SGCD: variants seen among roughly 807,000 people sequenced by gnomAD.
SGCD encodes sarcoglycan delta.
A neutral mutation model predicts 36.6 loss-of-function variants in SGCD; 18 were observed. The ratio of observed to expected loss-of-function variants is 0.49; its 90% CI spans 0.34 to 0.73. The LOEUF (loss-of-function observed/expected upper bound fraction) is 0.73, where lower values mean the gene tolerates loss of function less well. SGCD is among the 30% of genes least tolerant of loss of function. The pLI is 0.01. For synonymous variants in SGCD, 133 were observed against 130.6 expected (o/e 1.02, Z -0.12); for missense variants, 387 against 346.7 (o/e 1.12, Z -0.92).
chr5:155,956,809 G>C (rs999354185), intron 1 of SGCD, among the ~76,000 whole-genome samples: 2 of 136,650 alleles, frequency 1.5e-5, no homozygotes, highest in African/African-American at 3.0e-5. Context: ...CCCCCCCCCC[G>C]GTTAATCCAG....
chr5:156,513,685 T>C (rs1167968730), intron 4 of SGCD, among the ~76,000 whole-genome samples: 1 of 152,258 alleles, frequency 6.6e-6, no homozygotes, highest in African/African-American at 2.4e-5. Flanking sequence ...TTCAGCACTG[T>C]ATCTGATTTC....
At chr5:156,365,527 C>G (rs923738158) in intron 3 of SGCD, among the ~76,000 whole-genome samples, 1 of 152,100 alleles carries the variant, frequency 6.6e-6, no homozygotes, top group South Asian at 2.1e-4. Context: ...GAAAGATGAG[C>G]GTTTTCTCTT....
At chr5:156,254,863 A>G (rs1765675895) in intron 3 of SGCD, among the ~76,000 whole-genome samples, 1 of 151,998 alleles carries the variant, frequency 6.6e-6, no homozygotes, top group Non-Finnish European at 1.5e-5. Flanking sequence ...AAATAAATAA[A>G]TCTCATTTTT....
At chr5:156,715,804 G>C (rs936679395) in intron 7 of SGCD, among the ~76,000 whole-genome samples, 2 of 152,150 alleles carry the variant, frequency 1.3e-5, no homozygotes, top group African/African-American at 4.8e-5. Flanking sequence ...TTGATGCTCT[G>C]TGCAGTGCCT....
At chr5:156,106,005 G>GGAGGCT (rs1348576094) in intron 1 of SGCD, among the ~76,000 whole-genome samples, 1 of 151,360 alleles carries the variant, frequency 6.6e-6, no homozygotes, top group Admixed American at 6.6e-5. Context: ...CAGCTACTTG[G>GGAGGCT]GAGGCTGAGG....
chr5:156,210,280 A>C (rs975716847), intron 3 of SGCD, among the ~76,000 whole-genome samples: 3 of 152,204 alleles, frequency 2.0e-5, no homozygotes, highest in Non-Finnish European at 4.4e-5. Context: ...TGTCCTGCCC[A>C]GAATGTTTGG....
At position 156,762,346 on chromosome 5, in the gene SGCD, C is replaced by G. The variant is rs1561902561; in HGVS notation, c.*2956C>G. ...GATTTCCAAATATGTTCAACATTTACTTCTATTTGATATCTGCTCAAGAAG... is the reference window on the plus strand; with the variant it reads ...GATTTCCAAATATGTTCAACATTTAGTTCTATTTGATATCTGCTCAAGAAG... On this transcript the variant is annotated 3_prime_UTR_variant, in exon 9 of 9. Coordinates refer to ENST00000337851, the MANE Select transcript of SGCD (RefSeq NM_000337.6). 1 of 152,564 alleles carries G rather than the reference C, an allele frequency of 6.6e-6. No homozygotes were observed. Among genetic ancestry groups the G allele is most frequent in the Non-Finnish European group, 1.5e-5 (1 of 68,030 alleles). The allele number at this position is 152,564 out of a possible 1,614,324, so 9.5% of individuals were successfully genotyped here. A position where few individuals can be genotyped will look rare whatever the true frequency, so the allele number is the denominator to read the frequency against.
At chr5:156,406,829 C>T (rs1354569737) in intron 3 of SGCD, among the ~76,000 whole-genome samples, 2,864 of 95,472 alleles carry the variant, frequency 0.03, 190 homozygotes, top group African/African-American at 0.12. Context: ...TACACACACA[C>T]ACACACACAC....
the SGCD span, among the ~76,000 whole-genome samples, chr5:155,767,330 T>C: frequency 2.4e-4 from 37 of 152,206 alleles, no homozygotes; most frequent in Non-Finnish European, 4.9e-4. Flanking sequence ...TCCATTCTGC[T>C]CATACAAATA....
intron 7 of SGCD, among the ~76,000 whole-genome samples, chr5:156,750,792 C>A (rs1417081235): frequency 6.6e-6 from 1 of 152,024 alleles, no homozygotes; most frequent in East Asian, 1.9e-4. Context: ...CCAAAAAAGT[C>A]AATTAGATAT....
intron 1 of SGCD, among the ~76,000 whole-genome samples, chr5:155,900,293 A>G (rs987499831): frequency 1.1e-4 from 17 of 152,298 alleles, no homozygotes; most frequent in Middle Eastern, 3.4e-3. Flanking sequence ...TTTTATGTCA[A>G]TTTAATAAAG....
chr5:156,316,456 C>T (rs1767519868), intron 3 of SGCD, among the ~76,000 whole-genome samples: 1 of 151,620 alleles, frequency 6.6e-6, no homozygotes. Context: ...TAGGAAAACA[C>T]AAAAATAATA....
intron 3 of SGCD, among the ~76,000 whole-genome samples, chr5:156,411,529 C>T (rs1772754475): frequency 6.6e-6 from 1 of 152,226 alleles, no homozygotes; most frequent in Non-Finnish European, 1.5e-5. Context: ...GGGCTCAGAT[C>T]CTGGCTCTGC....
intron 3 of SGCD, among the ~76,000 whole-genome samples, chr5:156,429,447 G>C (rs973694468): frequency 6.6e-6 from 1 of 151,796 alleles, no homozygotes; most frequent in Non-Finnish European, 1.5e-5. Flanking sequence ...TATTTGGTTG[G>C]TGAATTTTTA....
chr5:156,398,416 A>G (rs1771974903), intron 3 of SGCD, among the ~76,000 whole-genome samples: 1 of 152,190 alleles, frequency 6.6e-6, no homozygotes, highest in Admixed American at 6.5e-5. Context: ...GAAATGATCT[A>G]TTAGTTTTTA....
At chr5:155,993,588 AC>A (rs1449523491) in intron 1 of SGCD, among the ~76,000 whole-genome samples, 1 of 151,556 alleles carries the variant, frequency 6.6e-6, no homozygotes, top group African/African-American at 2.4e-5. Flanking sequence ...CAAGTGATCC[AC>A]CCGCCTCAGC....
chr5:156,387,546 G>T (rs1326689198), intron 3 of SGCD, among the ~76,000 whole-genome samples: 1 of 152,144 alleles, frequency 6.6e-6, no homozygotes, highest in Non-Finnish European at 1.5e-5. Flanking sequence ...GCTGAGTCAA[G>T]GGACTAACAG....
At chr5:156,723,962 A>G (rs1307348711) in intron 7 of SGCD, among the ~76,000 whole-genome samples, 8 of 152,194 alleles carry the variant, frequency 5.3e-5, no homozygotes, top group Admixed American at 1.3e-4. Flanking sequence ...GGAAGGGAGC[A>G]CGGTGAAAAT....
chr5:156,678,795 T>C (rs773283714), intron 7 of SGCD, among the ~76,000 whole-genome samples: 1 of 152,186 alleles, frequency 6.6e-6, no homozygotes, highest in Admixed American at 6.5e-5. Flanking sequence ...CTGCAGAAAC[T>C]GAGCAAAGTG....
Sources: gnomAD v4.1 joint callset for allele counts (sites outside exome capture counted in the v4.1 genomes callset) on GRCh38, gnomAD v4.1.1 for gene constraint, MANE v1.5 for transcripts, NCBI Gene and HGNC (gene_info 2026-07-23, HGNC 2026-07-21) for gene names.